PCDHA12: variants seen among roughly 807,000 people sequenced by gnomAD.
PCDHA12 encodes protocadherin alpha-12.
In PCDHA12, 44 loss-of-function variants were observed where a neutral mutation model predicts 60.0. The ratio of observed to expected loss-of-function variants is 0.73; its 90% CI spans 0.58 to 0.94. The LOEUF (loss-of-function observed/expected upper bound fraction) is 0.94, where lower values mean the gene tolerates loss of function less well. PCDHA12 is among the 40% of genes least tolerant of loss of function. PCDHA12 has a pLI of 0.00. For missense variants in PCDHA12, 1,276 were observed against 1,239.7 expected, an observed-to-expected ratio of 1.03 and a Z score of -0.44; for synonymous variants, 569 against 553.0, an observed-to-expected ratio of 1.03 and a Z score of -0.40.
intron 1 of PCDHA12, chr5:140,929,229 C>T: frequency 6.2e-7 from 1 of 1,613,880 alleles, no homozygotes; most frequent in South Asian, 1.1e-5. Context: ...ATGCTGCCGA[C>T]CTGCGAAATC....
intron 1 of PCDHA12, among the ~76,000 whole-genome samples, chr5:140,945,791 G>T (rs782283550): frequency 1.3e-5 from 2 of 152,064 alleles, no homozygotes; most frequent in Non-Finnish European, 2.9e-5. Flanking sequence ...GCAGAAAAAT[G>T]AAACTAGACC....
At chr5:140,966,198 T>C in intron 1 of PCDHA12, 1 of 214,428 alleles carries the variant, frequency 4.7e-6, no homozygotes, top group Non-Finnish European at 9.1e-6. Context: ...TTCTAGGGGC[T>C]TGACTGCTTT....
At chr5:141,005,352 GGAATGTCATA>G (rs1261780276) in intron 3 of PCDHA12, among the ~76,000 whole-genome samples, 2 of 152,178 alleles carry the variant, frequency 1.3e-5, no homozygotes, top group Non-Finnish European at 2.9e-5. Flanking sequence ...TGCTTGGCTA[GGAATGTCATA>G]GAATGCCTTT....
Position 140,946,631 on chromosome 5 carries a change from T to TATATATATATATATATATATATATAC in PCDHA12, c.2368-32317_2368-32316insTATATATATATATATATATATATACA, listed in dbSNP as rs57893927. ...TGTGAAATATATATATATATATATA[T>TATATATATATATATATATATATATAC]ACAATGGAATACTCATCAGCCATTA... On this transcript the variant is annotated intron_variant, in intron 1 of 3. Coordinates refer to ENST00000398631, the MANE Select transcript of PCDHA12 (RefSeq NM_018903.4). 3.1e-3 allele frequency among the ~76,000 whole-genome samples: 414 copies of TATATATATATATATATATATATATAC among 131,704 alleles called. 27 individuals carry two copies. Among genetic ancestry groups the TATATATATATATATATATATATATAC allele is most frequent in the African/African-American group, 0.013 (382 of 28,586 alleles). 86.4% of individuals were successfully genotyped at this position (131,704 alleles called of 152,430 possible). A position where few individuals can be genotyped will look rare whatever the true frequency, so the allele number is the denominator to read the frequency against.
chr5:140,879,720 G>C (rs1275273892), intron 1 of PCDHA12, among the ~76,000 whole-genome samples: 1 of 152,212 alleles, frequency 6.6e-6, no homozygotes, highest in Non-Finnish European at 1.5e-5. Flanking sequence ...TTGGAGACCA[G>C]AAGTCCAAAA....
At position 140,876,199 on chromosome 5, in the gene PCDHA12, G is replaced by C; in HGVS notation, c.727G>C (p.Asp243His). The C allele has an allele frequency of 6.2e-7, 1 of 1,613,940 alleles. No individual in the cohort carries two copies. The highest frequency in any genetic ancestry group is 1.1e-5 in the South Asian group (1 of 91,078). Residue 243 changes from aspartate (D) to histidine (H), a missense_variant, in exon 1 of 4, where the codon GAT becomes CAT. Asp to His is a moderately conservative substitution (Grantham distance 81). Coordinates refer to ENST00000398631, the MANE Select transcript of PCDHA12 (RefSeq NM_018903.4). ...LDVNDNGPAF[D>H]KPSYKVVLSE... ...TGTGAATGACAATGGTCCGGCGTTT[G>C]ATAAGCCCAGCTATAAAGTAGTGTT...
At chr5:140,993,321 G>A (rs1021026330) in intron 3 of PCDHA12, among the ~76,000 whole-genome samples, 58 of 152,134 alleles carry the variant, frequency 3.8e-4, no homozygotes, top group African/African-American at 5.3e-4. Context: ...TACCTTCTAA[G>A]TGTTTGTGAT....
rs35184029 is a variant in PCDHA12 at position 140,997,668 on chromosome 5, TTGTGTG to T, written c.2516-11935_2516-11930del. Among the ~76,000 whole-genome samples the T allele has an allele frequency of 3.7e-4, 55 of 148,336 alleles. 1 individual carries two copies. The South Asian group carries it at 5.8e-3, about 16-fold the overall frequency. On this transcript the variant is annotated intron_variant, in intron 3 of 3. Coordinates refer to ENST00000398631, the MANE Select transcript of PCDHA12 (RefSeq NM_018903.4). ...AATGCAATATGTATTATTATACAGC[TTGTGTG>T]TGTGTGTGTGTGTGTGTGTGTGTAT...
In PCDHA12 at chr5:141,000,054, A is replaced by G. The variant is rs189634054; in HGVS notation, c.2516-9573A>G. On this transcript the variant is annotated intron_variant, in intron 3 of 3. Coordinates refer to ENST00000398631, the MANE Select transcript of PCDHA12 (RefSeq NM_018903.4). ...CCAATCACACACACACCACTCTCCC[A>G]GCTGCTCTGTAGATCACAATGCTAG... Among the ~76,000 whole-genome samples the G allele has an allele frequency of 4.0e-3, 609 of 152,230 alleles. 3 individuals carry two copies. Among genetic ancestry groups the G allele is most frequent in the African/African-American group, 0.014 (564 of 41,556 alleles).
At chr5:140,892,011 A>G (rs1001369849) in intron 1 of PCDHA12, among the ~76,000 whole-genome samples, 10 of 152,244 alleles carry the variant, frequency 6.6e-5, no homozygotes, top group African/African-American at 2.4e-4. Flanking sequence ...CTGTTATAGC[A>G]GCACAAATGG....
At chr5:140,889,745 T>G (rs1295441616) in intron 1 of PCDHA12, among the ~76,000 whole-genome samples, 2 of 152,202 alleles carry the variant, frequency 1.3e-5, no homozygotes, top group Non-Finnish European at 2.9e-5. Flanking sequence ...CAGAGTCTAA[T>G]TTTTCTTTCC....
chr5:140,881,581 T>C (rs782420499), intron 1 of PCDHA12, among the ~76,000 whole-genome samples: 2 of 152,222 alleles, frequency 1.3e-5, no homozygotes, highest in African/African-American at 2.4e-5. Context: ...TCAAGTCACA[T>C]TGAGGGAAAT....
At chr5:140,995,371 C>G (rs143381591) in intron 3 of PCDHA12, among the ~76,000 whole-genome samples, 3 of 152,120 alleles carry the variant, frequency 2.0e-5, no homozygotes, top group Admixed American at 1.3e-4. Flanking sequence ...GGATGATTCA[C>G]GTACTGGGCA....
At chr5:140,965,994 T>C (rs1377339531) in intron 1 of PCDHA12, among the ~76,000 whole-genome samples, 1 of 152,130 alleles carries the variant, frequency 6.6e-6, no homozygotes, top group Non-Finnish European at 1.5e-5. Context: ...TCTGCAGTAC[T>C]TAAGAGTGTC....
At chr5:140,895,843 C>G (rs574376494) in intron 1 of PCDHA12, among the ~76,000 whole-genome samples, 1 of 152,232 alleles carries the variant, frequency 6.6e-6, no homozygotes, top group East Asian at 1.9e-4. Context: ...CAAAGTCTCA[C>G]TCTTGTACCC....
chr5:140,980,575 A>C (rs901433332), intron 2 of PCDHA12, among the ~76,000 whole-genome samples: 3 of 152,296 alleles, frequency 2.0e-5, no homozygotes, highest in Admixed American at 1.3e-4. Context: ...AGTTGCAGTG[A>C]GCCAAGATCG....
At chr5:140,929,093 A>G in intron 1 of PCDHA12, 1 of 1,614,194 alleles carries the variant, frequency 6.2e-7, no homozygotes, top group Non-Finnish European at 8.5e-7. Flanking sequence ...ATGGTTTCAA[A>G]TCCTTGCATG....
At chr5:140,981,479 C>T (rs1275257398) in intron 2 of PCDHA12, among the ~76,000 whole-genome samples, 20 of 152,148 alleles carry the variant, frequency 1.3e-4, no homozygotes, top group African/African-American at 4.8e-4. Flanking sequence ...GAGGCTGAGG[C>T]AGGAGAATTG....
rs368758287 is a variant in PCDHA12 at position 140,883,621 on chromosome 5, C to A, written c.2367+5782C>A. On this transcript the variant is annotated intron_variant, in intron 1 of 3. Transcript: ENST00000398631. ...TGGGGGTGGCCGACGTGAACGACAACGCGCCGGCGTTCGCGCAGCCCGAGT... is the reference window on the plus strand; with the variant it reads ...TGGGGGTGGCCGACGTGAACGACAAAGCGCCGGCGTTCGCGCAGCCCGAGT... 5 of 1,613,850 alleles carry A rather than the reference C, an allele frequency of 3.1e-6. No individual in the cohort carries two copies. In the African/African-American group the frequency reaches 4.0e-5, roughly 13 times the overall value.
Sources: allele counts gnomAD v4.1 joint callset (sites outside exome capture counted in the v4.1 genomes callset), GRCh38; gene constraint gnomAD v4.1.1; transcripts MANE v1.5; gene names NCBI Gene and HGNC (gene_info 2026-07-23, HGNC 2026-07-21).